The following LARGE1 variants were observed in gnomAD, a reference collection of about 807,000 sequenced individuals.
The protein encoded by LARGE1 is LARGE xylosyl- and glucuronyltransferase 1.
LARGE1 carries 43 observed loss-of-function variants against 87.6 expected under a neutral mutation model. That is an observed-to-expected ratio of 0.49 (90% CI 0.38 to 0.63). LARGE1 has a LOEUF of 0.63. Among genes scored for constraint, LARGE1 ranks in the 30% least tolerant of loss-of-function variants. The pLI is 0.00. For missense variants in LARGE1, 802 were observed against 1,000.2 expected, an observed-to-expected ratio of 0.80 and a Z score of 2.67; for synonymous variants, 434 against 394.6, an observed-to-expected ratio of 1.10 and a Z score of -1.18.
At chr22:33,814,877 C>T (rs2086604651) in intron 1 of LARGE1, among the ~76,000 whole-genome samples, 2 of 152,112 alleles carry the variant, frequency 1.3e-5, no homozygotes, top group Non-Finnish European at 2.9e-5. Flanking sequence ...TAAGTATGAT[C>T]GCCTTTTGTT....
At chr22:33,436,001 G>C (rs1227040260) in intron 6 of LARGE1, among the ~76,000 whole-genome samples, 2 of 152,166 alleles carry the variant, frequency 1.3e-5, no homozygotes, top group African/African-American at 4.8e-5. Flanking sequence ...ATGTTGCTTA[G>C]CCTCTCAACG....
intron 6 of LARGE1, among the ~76,000 whole-genome samples, chr22:33,524,224 G>C (rs1372805174): frequency 6.6e-6 from 1 of 150,858 alleles, no homozygotes; most frequent in Admixed American, 6.6e-5. Flanking sequence ...CCAGGAGGCA[G>C]AGGTTGCAGT....
chr22:33,428,088 C>T (rs565693161), intron 7 of LARGE1, among the ~76,000 whole-genome samples: 56 of 152,258 alleles, frequency 3.7e-4, no homozygotes, highest in African/African-American at 1.2e-3. Flanking sequence ...AATACTTACT[C>T]GTTCTTTCTG....
At chr22:33,568,492 C>T (rs574781803) in intron 5 of LARGE1, among the ~76,000 whole-genome samples, 10 of 152,098 alleles carry the variant, frequency 6.6e-5, no homozygotes, top group South Asian at 2.1e-4. Flanking sequence ...CCTGGCTGGG[C>T]GCAGTGGCTC....
intron 3 of LARGE1, among the ~76,000 whole-genome samples, chr22:33,630,977 C>T (rs1026270879): frequency 6.6e-6 from 1 of 151,804 alleles, no homozygotes; most frequent in African/African-American, 2.4e-5. Context: ...CTCAGTCTCC[C>T]GAGTAGCTTG....
At chr22:33,367,164 A>G (rs976711020) in intron 9 of LARGE1, among the ~76,000 whole-genome samples, 1 of 151,964 alleles carries the variant, frequency 6.6e-6, no homozygotes, top group African/African-American at 2.4e-5. Flanking sequence ...AGCTCCACCA[A>G]CTGAGACTGT....
chr22:33,387,468 C>G (rs959271208), intron 7 of LARGE1, among the ~76,000 whole-genome samples: 8 of 129,878 alleles, frequency 6.2e-5, no homozygotes, highest in South Asian at 2.8e-4. Flanking sequence ...TTTCATTAAT[C>G]TTATTACAAA....
chr22:33,470,267 C>T (rs2068776456), intron 6 of LARGE1, among the ~76,000 whole-genome samples: 1 of 152,050 alleles, frequency 6.6e-6, no homozygotes, highest in South Asian at 2.1e-4. Context: ...ATATCACAAA[C>T]CTACACATGT....
At chr22:33,279,879 A>G (rs1337900458) in intron 13 of LARGE1, among the ~76,000 whole-genome samples, 1 of 152,232 alleles carries the variant, frequency 6.6e-6, no homozygotes, top group Non-Finnish European at 1.5e-5. Flanking sequence ...GAGGTTTTAA[A>G]GCACAATGGA....
intron 2 of LARGE1, among the ~76,000 whole-genome samples, chr22:33,695,108 C>CTTTTTT (rs71320988): frequency 2.1e-5 from 3 of 140,084 alleles, no homozygotes; most frequent in Non-Finnish European, 3.1e-5. Flanking sequence ...TTCTTTCTTT[C>CTTTTTT]TTTTTTTTTT....
chr22:33,597,028 C>T (rs1160507478), intron 5 of LARGE1, among the ~76,000 whole-genome samples: 1 of 152,134 alleles, frequency 6.6e-6, no homozygotes, highest in Non-Finnish European at 1.5e-5. Context: ...AATGCCCTTC[C>T]ATGAGACATA....
intron 2 of LARGE1, among the ~76,000 whole-genome samples, chr22:33,722,145 C>T (rs1012126130): frequency 4.0e-5 from 6 of 151,782 alleles, no homozygotes; most frequent in Non-Finnish European, 7.4e-5. Context: ...CTCAGCTACT[C>T]GGGACTCTGA....
chr22:33,857,529 G>A (rs1168608546), intron 1 of LARGE1, among the ~76,000 whole-genome samples: 2 of 152,154 alleles, frequency 1.3e-5, no homozygotes, highest in Admixed American at 6.5e-5. Context: ...GTTGTTTATC[G>A]GTAAATGTTA....
intron 1 of LARGE1, among the ~76,000 whole-genome samples, chr22:33,798,101 C>G (rs1048379728): frequency 6.6e-6 from 1 of 152,090 alleles, no homozygotes; most frequent in Non-Finnish European, 1.5e-5. Flanking sequence ...GGCGAAAACC[C>G]GTCTCTACTG....
At chr22:33,274,919 G>T (rs965370039) in intron 14 of LARGE1, among the ~76,000 whole-genome samples, 1 of 152,144 alleles carries the variant, frequency 6.6e-6, no homozygotes, top group Non-Finnish European at 1.5e-5. Flanking sequence ...AAACAGTGCT[G>T]AGCCGAGCTC....
intron 7 of LARGE1, among the ~76,000 whole-genome samples, chr22:33,394,071 G>A (rs1259778416): frequency 8.0e-6 from 1 of 125,356 alleles, no homozygotes; most frequent in Non-Finnish European, 1.6e-5. Flanking sequence ...TTTTTTGCCA[G>A]TGCAACTGCC....
At chr22:33,664,489 T>C (rs2081212937) in intron 2 of LARGE1, among the ~76,000 whole-genome samples, 1 of 152,228 alleles carries the variant, frequency 6.6e-6, no homozygotes, top group African/African-American at 2.4e-5. Flanking sequence ...TGGGACCTTT[T>C]ACCTGGACTC....
At chr22:33,252,576 G>T (rs1208876788) in intron 11 of LARGE1, among the ~76,000 whole-genome samples, 3 of 152,142 alleles carry the variant, frequency 2.0e-5, no homozygotes, top group Admixed American at 2.0e-4. Flanking sequence ...GTTAGGAATT[G>T]TTCCCTTTGG....
intron 7 of LARGE1, among the ~76,000 whole-genome samples, chr22:33,426,957 T>C (rs1404766640): frequency 2.0e-5 from 3 of 152,238 alleles, no homozygotes; most frequent in Admixed American, 6.5e-5. Flanking sequence ...AAACATGCCA[T>C]CTTCTTTCTA....
Sources: allele counts gnomAD v4.1 joint callset (sites outside exome capture counted in the v4.1 genomes callset), GRCh38; gene constraint gnomAD v4.1.1; transcripts MANE v1.5; gene names NCBI Gene and HGNC (gene_info 2026-07-23, HGNC 2026-07-21).